Variants in KIF14 observed in about 807,000 individuals in gnomAD.
The protein encoded by KIF14 is kinesin family member 14.
A neutral mutation model predicts 176.2 loss-of-function variants in KIF14; 98 were observed. The ratio of observed to expected loss-of-function variants is 0.56; its 90% CI spans 0.47 to 0.66. The LOEUF is 0.66. Ranked by LOEUF, KIF14 falls within the 30% of genes least tolerant of loss-of-function variation. The pLI is 0.00. For synonymous variants in KIF14, 566 were observed against 632.2 expected (o/e 0.90, Z 1.57); for missense variants, 1,751 against 1,920.4 (o/e 0.91, Z 1.65).
intron 23 of KIF14, 31 bp downstream of exon 23, chr1:200,569,880 C>T (rs1482889587): frequency 2.4e-5 from 30 of 1,229,356 alleles, no homozygotes; most frequent in East Asian, 1.9e-4. Context: ...ATGCTTTTCT[C>T]GCCATAGAGA....
intron 11 of KIF14, among the ~76,000 whole-genome samples, chr1:200,601,254 C>T (rs1659611781): frequency 6.6e-6 from 1 of 152,086 alleles, no homozygotes; most frequent in African/African-American, 2.4e-5. Flanking sequence ...AAGGATGGAC[C>T]AGGATAGACA....
Position 200,603,347 on chromosome 1 carries a change from T to C in KIF14, c.1864-6A>G, listed in dbSNP as rs576729746. On this transcript the variant is annotated splice_region_variant and splice_polypyrimidine_tract_variant and intron_variant, in intron 9 of 29. Transcript: ENST00000367350. ...TTATTAATACTCACACCTTCCTGCATGCAAGAAAAAAAAAATTTTTAACTT... is the reference window on the plus strand; with the variant it reads ...TTATTAATACTCACACCTTCCTGCACGCAAGAAAAAAAAAATTTTTAACTT... The C allele has an allele frequency of 3.4e-6, 5 of 1,491,846 alleles. No homozygotes were observed. The South Asian group carries it at 3.7e-5, about 11-fold the overall frequency. 92.4% of individuals were successfully genotyped at this position (1,491,846 alleles called of 1,614,324 possible).
rs200767346 is a variant in KIF14, at chr1:200,603,818, G to A, written c.1863+21C>T. 1.8e-4 allele frequency: 259 copies of A among 1,423,546 alleles called. No homozygotes were observed. In the Middle Eastern group the frequency reaches 2.6e-3, roughly 14 times the overall value. 88.2% of individuals were successfully genotyped at this position (1,423,546 alleles called of 1,614,324 possible). A position where few individuals can be genotyped will look rare whatever the true frequency, so the allele number is the denominator to read the frequency against. The stretch of plus-strand genomic sequence containing the variant: ...CCTCAGGAATAAATTTCATCAAAAG[G>A]AGAAAAAGCATTCCATTTACCTTTA... On this transcript the variant is annotated intron_variant, in intron 9 of 29. Transcript: ENST00000367350.
chr1:200,615,593 C>G lies in KIF14; in HGVS notation c.1129G>C (p.Ala377Pro), dbSNP rs1660371523. 16 of 1,608,348 alleles carry G rather than the reference C, an allele frequency of 9.9e-6. No homozygotes were observed. The highest frequency in any genetic ancestry group is 1.4e-5 in the Non-Finnish European group (16 of 1,177,852). ...PFTKREKIEKASQVVFMSGKE... is the reference protein window; with the variant it reads ...PFTKREKIEKPSQVVFMSGKE... ...CCACTCATGAAGACTACCTGGGATGCTTTTTCAATCTTCTCTCTTGAAAGA... is the reference window on the plus strand; with the variant it reads ...CCACTCATGAAGACTACCTGGGATGGTTTTTCAATCTTCTCTCTTGAAAGA... Residue 377 changes from alanine (A) to proline (P), a missense_variant, in exon 3 of 30, where the codon GCA (alanine) becomes CCA (proline). Coordinates refer to ENST00000367350, the MANE Select transcript of KIF14 (RefSeq NM_014875.3).
chr1:200,573,482 G>A (rs555030106), intron 22 of KIF14, among the ~76,000 whole-genome samples: 6 of 128,088 alleles, frequency 4.7e-5, no homozygotes, highest in South Asian at 4.8e-4. Flanking sequence ...AGCCCAGGCC[G>A]GATTGCAGTG....
chr1:200,605,229 G>A (rs866368027), intron 8 of KIF14, 54 bp downstream of exon 8: 4 of 1,487,646 alleles, frequency 2.7e-6, no homozygotes, highest in Non-Finnish European at 3.7e-6. Context: ...ACCTTGGTCT[G>A]GGTTATCACC....
chr1:200,604,840 T>C lies in KIF14; in HGVS notation c.1746+443A>G, dbSNP rs189693916. Among the ~76,000 whole-genome samples, 406 of 152,140 alleles carry C rather than the reference T, an allele frequency of 2.7e-3. 3 individuals are homozygous for C. The highest frequency in any genetic ancestry group is 9.4e-3 in the African/African-American group (391 of 41,534). On this transcript the variant is annotated intron_variant, in intron 8 of 29. Coordinates refer to ENST00000367350, the MANE Select transcript of KIF14 (RefSeq NM_014875.3). ...GAACCTATGGCTAAATTTTAAAAAA[T>C]CTTTTACTTTCTGATGTTTTTCTAA...
In KIF14 at chr1:200,585,946, C is replaced by G. The variant is rs12092539; in HGVS notation, c.3241+155G>C. Among the ~76,000 whole-genome samples the G allele has an allele frequency of 0.15, 23,158 of 152,016 alleles. 2,282 individuals carry two copies. The highest frequency in any genetic ancestry group is 0.39 in the East Asian group (2,024 of 5,170). The stretch of plus-strand genomic sequence containing the variant: ...CTAAAAGCTGAATATTCAAAAACAA[C>G]CATTCATACAAATTTATTTAGATCC... On this transcript the variant is annotated intron_variant, in intron 19 of 29. Coordinates refer to ENST00000367350, the MANE Select transcript of KIF14 (RefSeq NM_014875.3).
In KIF14 at chr1:200,615,355, G is replaced by A. The variant is rs1660359088; in HGVS notation, c.1367C>T (p.Thr456Met). The stretch of plus-strand genomic sequence containing the variant: ...TAATTGCATTTCCAATACAACTTAC[G>A]TATATGATTTTCCAGAGCCAGTCTG... ...YGQTGSGKSYTMMGFSEEPGI... is the reference protein window; with the variant it reads ...YGQTGSGKSYMMMGFSEEPGI... The change falls in exon 3 of 30, where the codon ACG becomes ATG. Residue 456 changes from threonine to methionine, a missense_variant and splice_region_variant. By Grantham distance (81) the Thr-to-Met change is moderately conservative. Coordinates refer to ENST00000367350, the MANE Select transcript of KIF14 (RefSeq NM_014875.3). The A allele has an allele frequency of 1.9e-6, 3 of 1,609,446 alleles. No homozygotes were observed. Among genetic ancestry groups the A allele is most frequent in the South Asian group, 1.1e-5 (1 of 90,322 alleles).
chr1:200,615,538 G>A lies in KIF14; in HGVS notation c.1184C>T (p.Thr395Met), dbSNP rs138621008. The A allele has an allele frequency of 4.9e-4, 787 of 1,613,346 alleles. 1 individual carries two copies. The African/African-American group carries it at 8.0e-3, about 16-fold the overall frequency. The change falls in exon 3 of 30, where the codon ACG (threonine) becomes ATG (methionine). Residue 395 changes from threonine (T) to methionine (M), a missense_variant. Transcript: ENST00000367350. The part of the protein sequence containing the change: ...GKEITVEHPD[T>M]KQVYNFIYDV... ...ATAAATAAAATTATAAACTTGTTTCGTGTCAGGGTGTTCCACAGTTATTTC... is the reference window on the plus strand; with the variant it reads ...ATAAATAAAATTATAAACTTGTTTCATGTCAGGGTGTTCCACAGTTATTTC...
At chr1:200,572,445 T>C (rs11584563) in intron 22 of KIF14, among the ~76,000 whole-genome samples, 77,136 of 151,940 alleles carry the variant, frequency 0.51, 22,184 homozygotes, top group African/African-American at 0.8. Context: ...CCTGGGTTCA[T>C]ACCATTCTCC....
chr1:200,573,427 C>CTTTTTTTTTTTTTTTTTTTTTTTTTT lies in KIF14; in HGVS notation c.3566+2163_3566+2164insAAAAAAAAAAAAAAAAAAAAAAAAAA, dbSNP rs869174532. On this transcript the variant is annotated intron_variant, in intron 22 of 29. Coordinates refer to ENST00000367350, the MANE Select transcript of KIF14 (RefSeq NM_014875.3). Reference sequence around the variant, plus strand: ...TTCCCTACACTCAAGGAGCTCATTTCTTTTTTTTTTTTTTTTTTTTTTTTG... The same window carrying CTTTTTTTTTTTTTTTTTTTTTTTTTT: ...TTCCCTACACTCAAGGAGCTCATTTCTTTTTTTTTTTTTTTTTTTTTTTTTTTTTTTTTTTTTTTTTTTTTTTTTTG... Among the ~76,000 whole-genome samples, 40 of 77,736 alleles carry CTTTTTTTTTTTTTTTTTTTTTTTTTT rather than the reference C, an allele frequency of 5.1e-4. 3 individuals are homozygous for CTTTTTTTTTTTTTTTTTTTTTTTTTT. The highest frequency in any genetic ancestry group is 8.0e-4 in the African/African-American group (14 of 17,558). The allele number at this position is 77,736 out of a possible 152,430, so 51.0% of individuals were successfully genotyped here.
chr1:200,567,610 A>C (rs80049124), intron 23 of KIF14, among the ~76,000 whole-genome samples: 13,705 of 151,990 alleles, frequency 0.09, 930 homozygotes, highest in Non-Finnish European at 0.13. Flanking sequence ...GGATTTTCTA[A>C]GCACTGTCTA....
intron 4 of KIF14, among the ~76,000 whole-genome samples, chr1:200,610,154 G>T (rs1437783652): frequency 2.6e-5 from 4 of 152,044 alleles, no homozygotes; most frequent in African/African-American, 9.7e-5. Flanking sequence ...GAATGCCACT[G>T]AATTATATAC....
intron 22 of KIF14, among the ~76,000 whole-genome samples, chr1:200,572,116 C>A (rs114278933): frequency 6.6e-6 from 1 of 152,064 alleles, no homozygotes; most frequent in Non-Finnish European, 1.5e-5. Context: ...GCTGAAACTT[C>A]GTATACAAGG....
intron 14 of KIF14, among the ~76,000 whole-genome samples, chr1:200,596,561 C>CTTTTTTTTTT (rs60386347): frequency 1.9e-5 from 2 of 102,712 alleles, no homozygotes; most frequent in African/African-American, 3.8e-5. Flanking sequence ...GTACAACAGT[C>CTTTTTTTTTT]TTTTTTTTTT....
At chr1:200,557,998 C>T (rs1656926611) in intron 27 of KIF14, among the ~76,000 whole-genome samples, 1 of 152,190 alleles carries the variant, frequency 6.6e-6, no homozygotes. Flanking sequence ...CTCTGTCGCC[C>T]AGGCTGATAT....
Position 200,552,269 on chromosome 1 carries a change from C to T in KIF14, c.*1119G>A, listed in dbSNP as rs1040534155. 1 of 151,792 alleles carries T rather than the reference C, an allele frequency of 6.6e-6. No homozygotes were observed. Among genetic ancestry groups the T allele is most frequent in the Non-Finnish European group, 1.5e-5 (1 of 67,924 alleles). The allele number at this position is 151,792 out of a possible 1,614,324, so 9.4% of individuals were successfully genotyped here. On this transcript the variant is annotated 3_prime_UTR_variant, in exon 30 of 30. Coordinates refer to ENST00000367350, the MANE Select transcript of KIF14 (RefSeq NM_014875.3). The stretch of plus-strand genomic sequence containing the variant: ...TTATACATACTCTTGAGGTCAAAAA[C>T]GTCAAACTATTTCCGTAATGTAAGA...
At chr1:200,564,378 C>A (rs1035597728) in intron 25 of KIF14, among the ~76,000 whole-genome samples, 4 of 151,950 alleles carry the variant, frequency 2.6e-5, no homozygotes, top group African/African-American at 9.7e-5. Flanking sequence ...AGGGGCTACA[C>A]TTTGGGCATG....
Sources: allele counts gnomAD v4.1 joint callset (sites outside exome capture counted in the v4.1 genomes callset), GRCh38; gene constraint gnomAD v4.1.1; transcripts MANE v1.5; gene names NCBI Gene and HGNC (gene_info 2026-07-23, HGNC 2026-07-21).